The following MYO7A variants were observed in gnomAD, a reference collection of about 807,000 sequenced individuals.
MYO7A encodes the protein unconventional myosin-VIIa.
Under a neutral mutation model 263.8 loss-of-function variants are expected in MYO7A, and 210 were observed. The ratio of observed to expected loss-of-function variants is 0.80; its 90% CI spans 0.71 to 0.89. The LOEUF is 0.89. MYO7A is among the 40% of genes least tolerant of loss of function. The probability of loss-of-function intolerance (pLI) is 0.00; values close to 1 mark genes in which losing one functional copy is unlikely to be tolerated. For synonymous variants in MYO7A, 1,239 were observed against 1,197.3 expected, an observed-to-expected ratio of 1.03 and a Z score of -0.72; for missense variants, 2,820 against 2,968.3, an observed-to-expected ratio of 0.95 and a Z score of 1.16.
chr11:77,214,770 G>A lies in MYO7A; in HGVS notation c.*74G>A. The A allele has an allele frequency of 1.6e-6, 2 of 1,257,858 alleles. No homozygotes were observed. Among genetic ancestry groups the A allele is most frequent in the Non-Finnish European group, 2.2e-6 (2 of 890,294 alleles). The allele number at this position is 1,257,858 out of a possible 1,614,324, so 77.9% of individuals were successfully genotyped here. ...GGGTTCAGGCCCATCAGCTACCCCT[G>A]CAGCTGGGGAAGACTTATGCCATCC... On this transcript the variant is annotated 3_prime_UTR_variant, in exon 49 of 49. Coordinates refer to ENST00000409709, the MANE Select transcript of MYO7A (RefSeq NM_000260.4).
At chr11:77,156,527 G>T in intron 5 of MYO7A, 133 bp from the exon 6 acceptor site, 1 of 1,334,572 alleles carries the variant, frequency 7.5e-7, no homozygotes, top group Non-Finnish European at 1.0e-6. Context: ...CCCTGCCCCA[G>T]CCCTGGAGGG....
chr11:77,180,540 A>C, intron 22 of MYO7A, 59 bp downstream of exon 22: 4 of 1,439,630 alleles, frequency 2.8e-6, no homozygotes, highest in South Asian at 1.2e-5. Context: ...CCCCTCCCCG[A>C]GGCTGGCTTC....
At position 77,130,609 on chromosome 11, in the gene MYO7A, G is replaced by A; in HGVS notation, c.-26G>A. 6.2e-7 allele frequency: 1 copy of A among 1,612,690 alleles called. No homozygotes were observed. Among genetic ancestry groups the A allele is most frequent in the Non-Finnish European group, 8.5e-7 (1 of 1,179,418 alleles). ...TGCAGAACTGTGCCTGGCCCAGTGG[G>A]CAGCAGGAGCTCCTGACTTGGGACC... is the stretch of plus-strand genomic sequence containing the variant. On this transcript the variant is annotated 5_prime_UTR_variant, in exon 2 of 49. Coordinates refer to ENST00000409709, the MANE Select transcript of MYO7A (RefSeq NM_000260.4).
intron 3 of MYO7A, among the ~76,000 whole-genome samples, chr11:77,143,553 G>C (rs1951356683): frequency 6.6e-6 from 1 of 152,262 alleles, no homozygotes; most frequent in Non-Finnish European, 1.5e-5. Context: ...GAAGGTGGCT[G>C]GTTCACGTGA....
chr11:77,197,018 C>A (rs1041614293), intron 32 of MYO7A, among the ~76,000 whole-genome samples: 2 of 152,226 alleles, frequency 1.3e-5, no homozygotes, highest in Non-Finnish European at 2.9e-5. Flanking sequence ...TTCACCAGAT[C>A]AGTTTCTTGC....
intron 21 of MYO7A, among the ~76,000 whole-genome samples, 162 bp downstream of exon 21, chr11:77,180,115 T>C (rs1555083153): frequency 6.6e-6 from 1 of 152,176 alleles, no homozygotes; most frequent in Non-Finnish European, 1.5e-5. Context: ...CTCATTTCCA[T>C]CCTCTCAGCC....
At position 77,166,058 on chromosome 11, in the gene MYO7A, T is replaced by C; in HGVS notation, c.1693T>C (p.Phe565Leu). 6.2e-7 allele frequency: 1 copy of C among 1,613,376 alleles called. No homozygotes were observed. The highest frequency in any genetic ancestry group is 1.1e-5 in the South Asian group (1 of 90,946). ...AGIVYYETQG[F>L]LEKNRDTLHG... The stretch of plus-strand genomic sequence containing the variant: ...TGACTGCTGTTTGCTGCTTGCAGGC[T>C]TCCTGGAGAAGAACCGAGACACCCT... Residue 565 changes from phenylalanine to leucine, a missense_variant and splice_region_variant, in exon 15 of 49, where the codon TTC (phenylalanine) becomes CTC (leucine). Phe to Leu is a conservative substitution (Grantham distance 22). Coordinates refer to ENST00000409709, the MANE Select transcript of MYO7A (RefSeq NM_000260.4).
rs1270956168 is a variant in MYO7A, at chr11:77,138,161, C to T, written c.19-4548C>T. Among the ~76,000 whole-genome samples, 1 of 152,004 alleles carries T rather than the reference C, an allele frequency of 6.6e-6. No homozygotes were observed. Among genetic ancestry groups the T allele is most frequent in the Non-Finnish European group, 1.5e-5 (1 of 67,960 alleles). ...GGGGCCGGGGTGGCGCGGGCGCCCC[C>T]TCGCCGTCCCGCCCGCGGGCGTCAC... On this transcript the variant is annotated intron_variant, in intron 2 of 48. Transcript: ENST00000409709. The surrounding 1 kb of genome is among the most constrained non-coding windows in gnomAD (Gnocchi z 4.9).
At chr11:77,177,811 G>C (rs1263650714) in intron 19 of MYO7A, among the ~76,000 whole-genome samples, 168 bp downstream of exon 19, 1 of 152,086 alleles carries the variant, frequency 6.6e-6, no homozygotes, top group East Asian at 1.9e-4. Flanking sequence ...AAACACAGAG[G>C]AACATAGATA....
At chr11:77,160,055 G>A in intron 10 of MYO7A, 108 bp from the exon 11 acceptor site, 1 of 1,453,246 alleles carries the variant, frequency 6.9e-7, no homozygotes, top group South Asian at 1.4e-5. Flanking sequence ...CGTGCTTAGT[G>A]GAGGCAGTGG....
intron 18 of MYO7A, 127 bp from the exon 19 acceptor site, chr11:77,177,422 A>T: frequency 1.4e-6 from 1 of 725,158 alleles, no homozygotes; most frequent in Non-Finnish European, 2.3e-6. Context: ...GCCAGCTGGG[A>T]GCTCATGGGG....
chr11:77,182,355 C>A, intron 24 of MYO7A, 69 bp from the exon 25 acceptor site: 1 of 1,504,914 alleles, frequency 6.6e-7, no homozygotes, highest in South Asian at 1.3e-5. Flanking sequence ...CTCCCCAAAC[C>A]GCCAGGTCAT....
At chr11:77,161,824 C>A (rs1953026070) in intron 12 of MYO7A, among the ~76,000 whole-genome samples, 1 of 152,206 alleles carries the variant, frequency 6.6e-6, no homozygotes, top group Non-Finnish European at 1.5e-5. Flanking sequence ...TGCCCACCTG[C>A]CAATCCCCAG....
chr11:77,207,513 G>A, intron 42 of MYO7A, 111 bp downstream of exon 42: 3 of 819,020 alleles, frequency 3.7e-6, no homozygotes, highest in East Asian at 2.7e-5. Context: ...AGAGGGCACT[G>A]GCATCTGGCC....
chr11:77,160,102 G>C, intron 10 of MYO7A, 61 bp from the exon 11 acceptor site: 3 of 1,528,156 alleles, frequency 2.0e-6, no homozygotes, highest in Non-Finnish European at 2.6e-6. Flanking sequence ...GGAGGGATCC[G>C]GGTGTGGGTG....
At chr11:77,163,113 T>G in intron 14 of MYO7A, 125 bp downstream of exon 14, 2 of 1,041,518 alleles carry the variant, frequency 1.9e-6, no homozygotes, top group South Asian at 1.8e-5. Context: ...CATATATATA[T>G]ATATATGAAC....
intron 2 of MYO7A, among the ~76,000 whole-genome samples, chr11:77,142,292 A>T (rs984644297): frequency 1.2e-4 from 19 of 152,216 alleles, no homozygotes; most frequent in African/African-American, 4.6e-4. Context: ...GAGGTGAAGG[A>T]GGCTGCAGCA....
rs781825529 is a variant in MYO7A at position 77,154,605 on chromosome 11, G to A, written c.286-1302G>A. ...GGCTGCCTGCCTGCTTGGCCTGGCT[G>A]CTCCCCTCCAGCCTCCCGCCCCCAC... is the stretch of plus-strand genomic sequence containing the variant. On this transcript the variant is annotated intron_variant, in intron 4 of 48. Coordinates refer to ENST00000409709, the MANE Select transcript of MYO7A (RefSeq NM_000260.4). 2.8e-4 allele frequency among the ~76,000 whole-genome samples: 42 copies of A among 152,218 alleles called. 1 individual carries two copies. Among genetic ancestry groups the A allele is most frequent in the Non-Finnish European group, 5.3e-4 (36 of 68,006 alleles).
At position 77,158,728 on chromosome 11, in the gene MYO7A, C is replaced by G. The variant is rs4944144; in HGVS notation, c.1003+298C>G. ...AAATTTGGTTTCTTCTTTAAAGTCA[C>G]ATGTCTTAGAGAGAGGGTAAATCTT... On this transcript the variant is annotated intron_variant, in intron 9 of 48. Coordinates refer to ENST00000409709, the MANE Select transcript of MYO7A (RefSeq NM_000260.4). Among the ~76,000 whole-genome samples, 59,948 of 152,098 alleles carry G rather than the reference C, an allele frequency of 0.39. 12,292 individuals are homozygous for G. Among genetic ancestry groups the G allele is most frequent in the African/African-American group, 0.46 (19,210 of 41,458 alleles).
Sources: allele counts gnomAD v4.1 joint callset (sites outside exome capture counted in the v4.1 genomes callset), GRCh38; gene constraint gnomAD v4.1.1; non-coding constraint Gnocchi (gnomAD v3.1); transcripts MANE v1.5; gene names NCBI Gene and HGNC (gene_info 2026-07-23, HGNC 2026-07-21).